Variants in RFX3 observed in about 807,000 individuals in gnomAD.
The protein encoded by RFX3 is regulatory factor X3.
Under a neutral mutation model 98.6 loss-of-function variants are expected in RFX3, and 14 were observed. The ratio of observed to expected loss-of-function variants is 0.14; its 90% CI spans 0.09 to 0.22. The LOEUF (loss-of-function observed/expected upper bound fraction) is 0.22. Among genes scored for constraint, RFX3 ranks in the 10% least tolerant of loss-of-function variants. The probability of loss-of-function intolerance (pLI) is 1.00; values close to 1 mark genes in which losing one functional copy is unlikely to be tolerated. For missense variants in RFX3, 639 were observed against 926.9 expected (o/e 0.69, Z 4.03); for synonymous variants, 383 against 328.4 (o/e 1.17, Z -1.80).
chr9:3,500,796 G>C lies in RFX3; in HGVS notation c.-9+24951C>G, dbSNP rs564321124. Among the ~76,000 whole-genome samples, 7 of 152,290 alleles carry C rather than the reference G, an allele frequency of 4.6e-5. No homozygotes were observed. In the South Asian group the frequency reaches 1.4e-3, roughly 32 times the overall value. ...GGAGTATACTAGTCACAAGGCACGT[G>C]TTAGGCAAATGTGTTAACTTCCAAA... On this transcript the variant is annotated intron_variant, in intron 1 of 16. Transcript: ENST00000617270.
chr9:3,356,525 C>T (rs1835794202), intron 2 of RFX3, among the ~76,000 whole-genome samples: 1 of 151,732 alleles, frequency 6.6e-6, no homozygotes, highest in African/African-American at 2.4e-5. Context: ...CTGATGGTTT[C>T]ACTGGTAAAT....
At chr9:3,276,785 C>T (rs1825285348) in intron 8 of RFX3, among the ~76,000 whole-genome samples, 1 of 151,976 alleles carries the variant, frequency 6.6e-6, no homozygotes, top group Non-Finnish European at 1.5e-5. Flanking sequence ...AATTAAAGTG[C>T]CACTTTTTTG....
rs187277440 is a variant in RFX3 at position 3,259,170 on chromosome 9, G to C, written c.1606-1971C>G. Among the ~76,000 whole-genome samples the C allele has an allele frequency of 6.5e-3, 981 of 151,532 alleles. 3 individuals carry two copies. Among genetic ancestry groups the C allele is most frequent in the African/African-American group, 0.022 (930 of 41,394 alleles). ...GAAATTAGCAGGAGAGGTTTTTTTTGTTTGTTTGCACGTTGATAATTGGAA... is the reference window on the plus strand; with the variant it reads ...GAAATTAGCAGGAGAGGTTTTTTTTCTTTGTTTGCACGTTGATAATTGGAA... On this transcript the variant is annotated intron_variant, in intron 13 of 16. Transcript: ENST00000617270.
chr9:3,259,631 C>T (rs777099933), intron 13 of RFX3, among the ~76,000 whole-genome samples: 40 of 151,754 alleles, frequency 2.6e-4, no homozygotes, highest in Non-Finnish European at 8.8e-5. Flanking sequence ...AGCTATTTAG[C>T]CCATAATGTA....
At chr9:3,496,086 C>A (rs1240338171) in intron 1 of RFX3, among the ~76,000 whole-genome samples, 2 of 151,986 alleles carry the variant, frequency 1.3e-5, no homozygotes, top group East Asian at 3.8e-4. Context: ...TCTCTTATAT[C>A]AACATTGTAA....
intron 1 of RFX3, among the ~76,000 whole-genome samples, chr9:3,506,204 T>A (rs956116406): frequency 2.0e-5 from 3 of 150,364 alleles, no homozygotes; most frequent in South Asian, 2.1e-4. Context: ...GAAGGACAAC[T>A]GTTTTTTTTT....
chr9:3,374,161 A>C (rs962903178), intron 2 of RFX3, among the ~76,000 whole-genome samples: 2 of 152,256 alleles, frequency 1.3e-5, no homozygotes, highest in African/African-American at 4.8e-5. Flanking sequence ...GGTTACTGTC[A>C]AGAAAAGAGA....
Position 3,224,827 on chromosome 9 carries a change from G to A in RFX3, c.*215C>T, listed in dbSNP as rs1224060546. The A allele has an allele frequency of 4.5e-6, 2 of 445,148 alleles. No individual in the cohort carries two copies. Among genetic ancestry groups the A allele is most frequent in the Non-Finnish European group, 7.9e-6 (2 of 254,518 alleles). The allele number at this position is 445,148 out of a possible 1,614,324, so 27.6% of individuals were successfully genotyped here. On this transcript the variant is annotated 3_prime_UTR_variant, in exon 17 of 17. Coordinates refer to ENST00000617270, the MANE Select transcript of RFX3 (RefSeq NM_001282116.2). The stretch of plus-strand genomic sequence containing the variant: ...TCCTTCTTGACACCTGAAACTAAGG[G>A]AAAAAATTCATTATTAAGAAGCAAA...
At chr9:3,426,859 G>A (rs892015382) in intron 1 of RFX3, among the ~76,000 whole-genome samples, 1 of 152,034 alleles carries the variant, frequency 6.6e-6, no homozygotes, top group African/African-American at 2.4e-5. Context: ...AATAATCATA[G>A]AAATAAAGCA....
chr9:3,400,288 C>T, intron 1 of RFX3: 1 of 702,310 alleles, frequency 1.4e-6, no homozygotes, highest in Non-Finnish European at 1.8e-6. Context: ...TAGGAGGAAT[C>T]TTATAGAATA....
In RFX3 at chr9:3,392,340, T is replaced by TA. The variant is rs905448972; in HGVS notation, c.117+3131dup. On this transcript the variant is annotated intron_variant, in intron 2 of 16. Transcript: ENST00000617270. The stretch of plus-strand genomic sequence containing the variant: ...AAAGAGAAAAAAAATTTCAACAAGT[T>TA]AAAAAAAAATTAATATCTTCAGAAA... Among the ~76,000 whole-genome samples the TA allele has an allele frequency of 3.9e-3, 586 of 148,588 alleles. 8 individuals are homozygous for TA. Among genetic ancestry groups the TA allele is most frequent in the African/African-American group, 0.014 (559 of 40,380 alleles).
intron 15 of RFX3, among the ~76,000 whole-genome samples, chr9:3,246,550 G>T (rs367554564): frequency 6.6e-6 from 1 of 152,214 alleles, no homozygotes; most frequent in African/African-American, 2.4e-5. Context: ...TTGAGCATAT[G>T]AGGTAGTGGC....
At chr9:3,483,495 G>A (rs1849989773) in intron 1 of RFX3, among the ~76,000 whole-genome samples, 1 of 152,200 alleles carries the variant, frequency 6.6e-6, no homozygotes, top group East Asian at 1.9e-4. Context: ...ATACAAAGGA[G>A]GGAAAAGAAG....
intron 4 of RFX3, among the ~76,000 whole-genome samples, chr9:3,327,673 T>C (rs1832080048): frequency 6.6e-6 from 1 of 152,036 alleles, no homozygotes; most frequent in South Asian, 2.1e-4. Flanking sequence ...ACCTCAAATA[T>C]GAATATTTTT....
chr9:3,477,439 G>A (rs950880069), intron 1 of RFX3, among the ~76,000 whole-genome samples: 59 of 152,266 alleles, frequency 3.9e-4, no homozygotes, highest in Middle Eastern at 3.4e-3. Flanking sequence ...CAGTTTTGAA[G>A]AAAAGTTTAG....
chr9:3,478,128 A>C (rs1444701288), intron 1 of RFX3, among the ~76,000 whole-genome samples: 1 of 152,142 alleles, frequency 6.6e-6, no homozygotes, highest in Non-Finnish European at 1.5e-5. Context: ...CAAAGTCTAA[A>C]ATCTAGGCTC....
intron 3 of RFX3, 82 bp from the exon 4 acceptor site, chr9:3,330,599 A>AAT (rs1309354954): frequency 7.6e-7 from 1 of 1,318,778 alleles, no homozygotes; most frequent in African/African-American, 1.5e-5. Flanking sequence ...ATGTAATTGA[A>AAT]ATATATTGGT....
intron 2 of RFX3, among the ~76,000 whole-genome samples, chr9:3,393,379 A>G (rs1025746431): frequency 5.3e-5 from 8 of 152,262 alleles, no homozygotes; most frequent in East Asian, 1.9e-4. Flanking sequence ...TGTAAATTCA[A>G]TAAAAAGAAA....
chr9:3,417,823 A>C (rs1374552927), intron 1 of RFX3, among the ~76,000 whole-genome samples: 1 of 152,194 alleles, frequency 6.6e-6, no homozygotes, highest in Non-Finnish European at 1.5e-5. Flanking sequence ...GTAAACTCAC[A>C]AAATTCACAT....
Sources: gnomAD v4.1 joint callset for allele counts (sites outside exome capture counted in the v4.1 genomes callset) on GRCh38, gnomAD v4.1.1 for gene constraint, MANE v1.5 for transcripts, NCBI Gene and HGNC (gene_info 2026-07-23, HGNC 2026-07-21) for gene names.